The following ADAM10 variants were observed in gnomAD, a reference collection of about 807,000 sequenced individuals.
The protein encoded by ADAM10 is ADAM metallopeptidase domain 10, also known as disintegrin and metalloproteinase domain-containing protein 10.
ADAM10 carries 17 observed loss-of-function variants against 90.1 expected under a neutral mutation model. The observed-to-expected ratio is 0.19, with a 90% CI of 0.13 to 0.28. The LOEUF (loss-of-function observed/expected upper bound fraction) is 0.28. ADAM10 is among the 10% of genes least tolerant of loss of function. The pLI is 1.00. For synonymous variants in ADAM10, 310 were observed against 298.6 expected (o/e 1.04, Z -0.40); for missense variants, 610 against 914.3 (o/e 0.67, Z 4.29).
In ADAM10 at chr15:58,722,690, T is replaced by C. The variant is rs140353205; in HGVS notation, c.56-4963A>G. 1.8e-3 allele frequency among the ~76,000 whole-genome samples: 272 copies of C among 150,716 alleles called. 1 individual carries two copies. The highest frequency in any genetic ancestry group is 3.0e-3 in the Non-Finnish European group (206 of 67,796). The stretch of plus-strand genomic sequence containing the variant: ...CATGAAGGGAGTATTTACACCACCA[T>C]GGAAACTGACATTGAAAAGGCTACA... On this transcript the variant is annotated intron_variant, in intron 1 of 15. Coordinates refer to ENST00000260408, the MANE Select transcript of ADAM10 (RefSeq NM_001110.4).
intron 1 of ADAM10, among the ~76,000 whole-genome samples, chr15:58,743,123 C>T (rs559338382): frequency 6.6e-6 from 1 of 151,836 alleles, no homozygotes; most frequent in Non-Finnish European, 1.5e-5. Flanking sequence ...TAGAGCTGCC[C>T]GTGTAAAAAC....
intron 2 of ADAM10, chr15:58,698,185 G>C: frequency 2.9e-6 from 1 of 348,844 alleles, no homozygotes. Flanking sequence ...CCCAGAAAAA[G>C]AATTCAAAAT....
At chr15:58,643,788 C>A in intron 7 of ADAM10, 98 bp downstream of exon 7, 1 of 993,364 alleles carries the variant, frequency 1.0e-6, no homozygotes, top group Non-Finnish European at 1.6e-6. Flanking sequence ...CTACTTAATT[C>A]ATAAAGATAA....
At chr15:58,598,308 A>G (rs1379792254) in intron 15 of ADAM10, among the ~76,000 whole-genome samples, 1 of 152,250 alleles carries the variant, frequency 6.6e-6, no homozygotes, top group African/African-American at 2.4e-5. Context: ...TAAGACCACA[A>G]TTGGTAACAG....
At chr15:58,687,745 AAC>A (rs1303407041) in intron 2 of ADAM10, among the ~76,000 whole-genome samples, 3 of 152,236 alleles carry the variant, frequency 2.0e-5, no homozygotes, top group Non-Finnish European at 4.4e-5. Context: ...ACTATTGATA[AAC>A]ACAACAATTT....
chr15:58,662,472 A>G (rs1284423821), intron 5 of ADAM10, among the ~76,000 whole-genome samples: 4 of 152,120 alleles, frequency 2.6e-5, no homozygotes, highest in Non-Finnish European at 5.9e-5. Flanking sequence ...AGCTGAGACT[A>G]CAGATGCTCA....
At chr15:58,692,808 A>C (rs759646511) in intron 2 of ADAM10, 1 of 637,008 alleles carries the variant, frequency 1.6e-6, no homozygotes, top group South Asian at 1.4e-5. Context: ...AAAAGCCAAC[A>C]CCAAATTGCC....
intron 2 of ADAM10, among the ~76,000 whole-genome samples, chr15:58,688,976 GA>G (rs1199566622): frequency 2.8e-5 from 4 of 145,370 alleles, no homozygotes; most frequent in South Asian, 4.3e-4. Context: ...AGAGGAGACA[GA>G]AAAAAAAATT....
At chr15:58,679,005 T>C (rs759270972) in intron 4 of ADAM10, 119 bp downstream of exon 4, 10 of 997,818 alleles carry the variant, frequency 1.0e-5, no homozygotes, top group African/African-American at 3.3e-5. Flanking sequence ...GTAAAAACTA[T>C]GTTCTAGCCT....
rs1897051397 is a variant in ADAM10, at chr15:58,665,175, A to C, written c.507T>G (p.Pro169=). The C allele has an allele frequency of 1.9e-6, 3 of 1,612,848 alleles. No homozygotes were observed. Among genetic ancestry groups the C allele is most frequent in the Non-Finnish European group, 1.7e-6 (2 of 1,178,916 alleles). ...CTGAATGATCTGCACAGCCCCCCTGAGGACCGTATTTATGGGGATAGTCTA... is the reference window on the plus strand; with the variant it reads ...CTGAATGATCTGCACAGCCCCCCTGCGGACCGTATTTATGGGGATAGTCTA... ...DDINYPHKYG[P]QGGCADHSVF... is the part of the protein sequence containing the mutation. The change falls in exon 5 of 16, where the codon CCT becomes CCG. Residue 169 remains proline (P), a synonymous_variant. Transcript: ENST00000260408.
intron 2 of ADAM10, among the ~76,000 whole-genome samples, chr15:58,693,449 A>T (rs1246003001): frequency 6.6e-6 from 1 of 152,234 alleles, no homozygotes; most frequent in Non-Finnish European, 1.5e-5. Context: ...AAGAATATAT[A>T]AATAGGTCTC....
In ADAM10 at chr15:58,610,056, G is replaced by GGAGCA. The variant is rs1286550277; in HGVS notation, c.2025+236_2025+240dup. 8 of 526,158 alleles carry GGAGCA rather than the reference G, an allele frequency of 1.5e-5. No homozygotes were observed. The East Asian group carries it at 2.6e-4, about 17-fold the overall frequency. 32.6% of individuals were successfully genotyped at this position (526,158 alleles called of 1,614,324 possible). A position where few individuals can be genotyped will look rare whatever the true frequency, so the allele number is the denominator to read the frequency against. ...GTAACCCATCCAGGAGATGAACTAAGGAGCACGGTAAAACAGAATGACTCC... is the reference window on the plus strand; with the variant it reads ...GTAACCCATCCAGGAGATGAACTAAGGAGCAGAGCACGGTAAAACAGAATGACTCC... On this transcript the variant is annotated intron_variant, in intron 14 of 15. Transcript: ENST00000260408.
rs1566966112 is a variant in ADAM10 at position 58,610,382 on chromosome 15, A to G, written c.1940T>C (p.Leu647Ser). The G allele has an allele frequency of 6.2e-7, 1 of 1,614,188 alleles. No individual in the cohort carries two copies. The highest frequency in any genetic ancestry group is 8.5e-7 in the Non-Finnish European group (1 of 1,180,030). Residue 647 changes from leucine (L) to serine (S), a missense_variant, in exon 14 of 16, where the codon TTA becomes TCA. Leu to Ser is a moderately radical substitution (Grantham distance 145). Coordinates refer to ENST00000260408, the MANE Select transcript of ADAM10 (RefSeq NM_001110.4). ...GYCDVFMRCR[L>S]VDADGPLARL... ...AGCTAGAGGACCATCAGCATCTACT[A>G]ATCTGCACCGCATGAAAACATCACA...
chr15:58,626,250 C>T (rs184977320), intron 10 of ADAM10, among the ~76,000 whole-genome samples: 1 of 152,152 alleles, frequency 6.6e-6, no homozygotes, highest in Non-Finnish European at 1.5e-5. Context: ...GCATTACCAT[C>T]GGAGGGAACT....
At chr15:58,680,414 C>T (rs563333420) in intron 3 of ADAM10, among the ~76,000 whole-genome samples, 2 of 152,170 alleles carry the variant, frequency 1.3e-5, no homozygotes, top group African/African-American at 2.4e-5. Context: ...TGAGTCACCA[C>T]GCCCAGCCTA....
chr15:58,609,503 TC>T (rs1408097405), intron 14 of ADAM10: 1 of 151,970 alleles, frequency 6.6e-6, no homozygotes, highest in African/African-American at 2.4e-5. Context: ...CATCCATAGT[TC>T]TGAACACACA....
chr15:58,747,963 G>A (rs922922042), intron 1 of ADAM10: 13 of 152,054 alleles, frequency 8.5e-5, no homozygotes, highest in Admixed American at 1.3e-4. Flanking sequence ...CACAAAAAGT[G>A]AAAAAAGATA....
intron 2 of ADAM10, among the ~76,000 whole-genome samples, chr15:58,710,520 G>A (rs572439502): frequency 1.6e-4 from 25 of 152,160 alleles, no homozygotes; most frequent in African/African-American, 4.3e-4. Context: ...TTTAATTTCC[G>A]TATAAAGCGG....
At chr15:58,705,974 T>A (rs1898275558) in intron 2 of ADAM10, among the ~76,000 whole-genome samples, 1 of 152,240 alleles carries the variant, frequency 6.6e-6, no homozygotes, top group African/African-American at 2.4e-5. Flanking sequence ...GAAAATTTAA[T>A]ATATTTAGGG....
Sources: allele counts gnomAD v4.1 joint callset (sites outside exome capture counted in the v4.1 genomes callset), GRCh38; gene constraint gnomAD v4.1.1; transcripts MANE v1.5; gene names NCBI Gene and HGNC (gene_info 2026-07-23, HGNC 2026-07-21).